Variants in ZNF609 observed in about 807,000 individuals in gnomAD.
The protein encoded by ZNF609 is zinc finger protein 609.
In ZNF609, 11 loss-of-function variants were observed where a neutral mutation model predicts 109.5. That is an observed-to-expected ratio of 0.10 (90% CI 0.06 to 0.17). ZNF609 has a LOEUF of 0.17. ZNF609 is among the 10% of genes least tolerant of loss of function. The pLI is 1.00. For synonymous variants in ZNF609, 646 were observed against 662.0 expected, an observed-to-expected ratio of 0.98 and a Z score of 0.37; for missense variants, 1,559 against 1,772.4, an observed-to-expected ratio of 0.88 and a Z score of 2.16.
chr15:64,648,645 G>A (rs1330013548), intron 3 of ZNF609, among the ~76,000 whole-genome samples: 1 of 151,424 alleles, frequency 6.6e-6, no homozygotes, highest in African/African-American at 2.4e-5. Flanking sequence ...ATACATTGGA[G>A]GTTGGTGAGA....
intron 1 of ZNF609, among the ~76,000 whole-genome samples, chr15:64,496,219 C>T (rs1051109281): frequency 6.6e-6 from 1 of 152,224 alleles, no homozygotes; most frequent in African/African-American, 2.4e-5. Flanking sequence ...GTCAGAAGCT[C>T]TCAGTGAGCA....
intron 2 of ZNF609, among the ~76,000 whole-genome samples, chr15:64,523,159 C>G (rs999855403): frequency 3.3e-5 from 5 of 152,036 alleles, no homozygotes; most frequent in African/African-American, 1.2e-4. Context: ...CATACCATAC[C>G]CTTAATGATC....
rs1421813328 is a variant in ZNF609, at chr15:64,685,192, T to C, written c.*3506T>C. Reference sequence around the variant, plus strand: ...ATATATATATATAAATATATATATATACAAACTGTACTCTTTTTGCCTTTG... The same window carrying C: ...ATATATATATATAAATATATATATACACAAACTGTACTCTTTTTGCCTTTG... On this transcript the variant is annotated 3_prime_UTR_variant, in exon 10 of 10. Coordinates refer to ENST00000326648, the MANE Select transcript of ZNF609 (RefSeq NM_015042.2). 1.3e-5 allele frequency: 2 copies of C among 151,196 alleles called. No individual in the cohort carries two copies. Among genetic ancestry groups the C allele is most frequent in the Non-Finnish European group, 2.9e-5 (2 of 67,798 alleles). 9.4% of individuals were successfully genotyped at this position (151,196 alleles called of 1,614,324 possible).
chr15:64,626,473 C>T (rs1027855918), intron 3 of ZNF609, among the ~76,000 whole-genome samples: 2 of 152,034 alleles, frequency 1.3e-5, no homozygotes, highest in African/African-American at 4.8e-5. Flanking sequence ...TTCTGCCTCT[C>T]GACATTTTGT....
At chr15:64,513,996 G>A (rs571118475) in intron 2 of ZNF609, among the ~76,000 whole-genome samples, 1 of 151,876 alleles carries the variant, frequency 6.6e-6, no homozygotes, top group African/African-American at 2.4e-5. Context: ...AGAGGCTGAG[G>A]CGGAAGGATC....
rs1250248062 is a variant in ZNF609, at chr15:64,499,893, G to T, written c.474G>T (p.Lys158Asn). The T allele has an allele frequency of 2.5e-6, 4 of 1,613,964 alleles. No individual in the cohort carries two copies. Among genetic ancestry groups the T allele is most frequent in the Non-Finnish European group, 3.4e-6 (4 of 1,180,026 alleles). ...KASRSVAGSK[K>N]EKENSSSKSK... ...CCCGCAGTGTAGCCGGTTCCAAAAA[G>T]GAGAAGGAGAACAGCTCATCTAAGA... Residue 158 changes from lysine to asparagine, a missense_variant, in exon 2 of 10, where the codon AAG becomes AAT. Coordinates refer to ENST00000326648, the MANE Select transcript of ZNF609 (RefSeq NM_015042.2).
rs1895796759 is a variant in ZNF609, at chr15:64,616,314, TA to T, written c.748-6510del. Among the ~76,000 whole-genome samples the T allele has an allele frequency of 2.0e-5, 3 of 152,020 alleles. No individual in the cohort carries two copies. The South Asian group carries it at 6.2e-4, about 32-fold the overall frequency. On this transcript the variant is annotated intron_variant, in intron 2 of 9. Transcript: ENST00000326648. ...TGGCCTTCAGTGTATTTTCTACCTG[TA>T]AAGTTATGTTGCAGCCATGAAGATT...
chr15:64,662,254 C>T (rs1416663715), intron 3 of ZNF609, among the ~76,000 whole-genome samples: 1 of 152,210 alleles, frequency 6.6e-6, no homozygotes, highest in East Asian at 1.9e-4. Flanking sequence ...CCAATAATAC[C>T]TTTTATCACC....
intron 3 of ZNF609, among the ~76,000 whole-genome samples, chr15:64,669,133 T>C (rs1477853068): frequency 1.3e-5 from 2 of 152,102 alleles, no homozygotes; most frequent in Admixed American, 6.6e-5. Flanking sequence ...TATGTCCTCT[T>C]TGAGGCAATT....
intron 1 of ZNF609, among the ~76,000 whole-genome samples, chr15:64,481,368 T>C (rs1330967800): frequency 6.7e-6 from 1 of 148,804 alleles, no homozygotes; most frequent in Non-Finnish European, 1.5e-5. Context: ...TTGCCCAGGC[T>C]GGAGTGCAAT....
chr15:64,611,893 C>T (rs1895721445), intron 2 of ZNF609, among the ~76,000 whole-genome samples: 2 of 151,564 alleles, frequency 1.3e-5, no homozygotes, highest in South Asian at 2.1e-4. Flanking sequence ...CCACCATGCC[C>T]GGCTAATTTT....
At chr15:64,466,830 C>G (rs919239200) in intron 1 of ZNF609, among the ~76,000 whole-genome samples, 1 of 152,082 alleles carries the variant, frequency 6.6e-6, no homozygotes, top group African/African-American at 2.4e-5. Context: ...TATCCCACTT[C>G]CCTACCCTGA....
chr15:64,505,809 C>A (rs755081217), intron 2 of ZNF609, among the ~76,000 whole-genome samples: 9 of 152,040 alleles, frequency 5.9e-5, no homozygotes, highest in Admixed American at 2.0e-4. Context: ...AAAACACCAG[C>A]CTTCTAAACT....
chr15:64,529,119 G>A lies in ZNF609; in HGVS notation c.747+28953G>A, dbSNP rs138525140. 5.9e-5 allele frequency: 46 copies of A among 781,618 alleles called. No individual in the cohort carries two copies. In the African/African-American group the frequency reaches 7.6e-4, roughly 13 times the overall value. 48.4% of individuals were successfully genotyped at this position (781,618 alleles called of 1,614,324 possible). A position where few individuals can be genotyped will look rare whatever the true frequency, so the allele number is the denominator to read the frequency against. ...TCCCGGAGGGGCCATTTATAGTCTG[G>A]GTGGCAGTGATGGTGTGAACTGTGG... is the stretch of plus-strand genomic sequence containing the variant. On this transcript the variant is annotated intron_variant, in intron 2 of 9. Coordinates refer to ENST00000326648, the MANE Select transcript of ZNF609 (RefSeq NM_015042.2).
At chr15:64,547,594 AG>A (rs1351701628) in intron 2 of ZNF609, among the ~76,000 whole-genome samples, 4 of 151,934 alleles carry the variant, frequency 2.6e-5, no homozygotes, top group African/African-American at 9.7e-5. Context: ...TCCTAAAACC[AG>A]GTTACTCAGG....
intron 2 of ZNF609, among the ~76,000 whole-genome samples, chr15:64,510,927 TTC>T (rs1460343355): frequency 1.3e-5 from 2 of 151,794 alleles, no homozygotes; most frequent in African/African-American, 4.8e-5. Context: ...TGGTAATGAG[TTC>T]TTTTTTATTT....
chr15:64,601,676 C>T (rs1318374153), intron 2 of ZNF609, among the ~76,000 whole-genome samples: 1 of 152,118 alleles, frequency 6.6e-6, no homozygotes, highest in East Asian at 1.9e-4. Flanking sequence ...CACAGTGATC[C>T]TATTGTCTAG....
At chr15:64,515,663 G>A (rs1366458548) in intron 2 of ZNF609, among the ~76,000 whole-genome samples, 3 of 151,960 alleles carry the variant, frequency 2.0e-5, no homozygotes, top group Admixed American at 6.6e-5. Context: ...AAGGCTGGGC[G>A]CAGTGGCTCA....
intron 1 of ZNF609, among the ~76,000 whole-genome samples, chr15:64,490,768 A>G (rs1351225988): frequency 2.0e-5 from 3 of 152,224 alleles, no homozygotes. Context: ...GCTGGCACAG[A>G]GCAGTAGTGA....
Sources: gnomAD v4.1 joint callset for allele counts (sites outside exome capture counted in the v4.1 genomes callset) on GRCh38, gnomAD v4.1.1 for gene constraint, MANE v1.5 for transcripts, NCBI Gene and HGNC (gene_info 2026-07-23, HGNC 2026-07-21) for gene names.